RPRD1B: variants seen among roughly 807,000 people sequenced by gnomAD.
RPRD1B encodes the protein regulation of nuclear pre-mRNA domain-containing protein 1B.
Under a neutral mutation model 41.5 loss-of-function variants are expected in RPRD1B, and 11 were observed. The ratio of observed to expected loss-of-function variants is 0.27; its 90% confidence interval spans 0.17 to 0.44. The LOEUF (loss-of-function observed/expected upper bound fraction) is 0.44. Among genes scored for constraint, RPRD1B ranks in the 20% least tolerant of loss-of-function variants. The probability of loss-of-function intolerance (pLI) is 1.00; values close to 1 mark genes in which losing one functional copy is unlikely to be tolerated. For missense variants in RPRD1B, 248 were observed against 389.9 expected (o/e 0.64, Z 3.06); for synonymous variants, 158 against 155.6 (o/e 1.02, Z -0.12).
At chr20:38,074,174 C>G (rs1288879275) in intron 6 of RPRD1B, among the ~76,000 whole-genome samples, 1 of 152,150 alleles carries the variant, frequency 6.6e-6, no homozygotes, top group African/African-American at 2.4e-5. Flanking sequence ...CTTTTATTTT[C>G]TTTTTTTCCG....
intron 6 of RPRD1B, among the ~76,000 whole-genome samples, chr20:38,089,406 G>A (rs541989003): frequency 7.0e-4 from 106 of 152,246 alleles, no homozygotes; most frequent in Non-Finnish European, 1.0e-3. Flanking sequence ...ATTTTATAAA[G>A]CATTTTGAAA....
chr20:38,076,193 T>A (rs2074458129), intron 6 of RPRD1B, among the ~76,000 whole-genome samples: 3 of 152,222 alleles, frequency 2.0e-5, no homozygotes, highest in African/African-American at 7.2e-5. Flanking sequence ...TTTACCCCAA[T>A]TATGGTGCAG....
chr20:38,040,460 T>A lies in RPRD1B; in HGVS notation c.177T>A (p.Phe59Leu), dbSNP rs767163526. The A allele has an allele frequency of 6.3e-7, 1 of 1,597,802 alleles. No homozygotes were observed. Among genetic ancestry groups the A allele is most frequent in the South Asian group, 1.1e-5 (1 of 87,078 alleles). ...CCAAATCAAATAGAAAGCTTACTTTTCTGTATTTAGCGAATGATGTCATCC... is the reference window on the plus strand; with the variant it reads ...CCAAATCAAATAGAAAGCTTACTTTACTGTATTTAGCGAATGATGTCATCC... The part of the protein sequence containing the change: ...RKAKSNRKLT[F>L]LYLANDVIQN... The change falls in exon 2 of 7, where the codon TTT becomes TTA. Residue 59 changes from phenylalanine to leucine, a missense_variant. Around this residue, in one of 5 missense-constraint regions of RPRD1B, gnomAD observed 47 missense variants for 103.6 expected, o/e 0.45. Coordinates refer to ENST00000373433, the MANE Select transcript of RPRD1B (RefSeq NM_021215.4).
At chr20:38,035,081 T>A (rs960318567) in intron 1 of RPRD1B, among the ~76,000 whole-genome samples, 1 of 152,172 alleles carries the variant, frequency 6.6e-6, no homozygotes, top group African/African-American at 2.4e-5. Flanking sequence ...CTGAGACTCA[T>A]CTCGTGGTGA....
At chr20:38,049,806 G>C (rs951261669) in intron 3 of RPRD1B, 1 of 470,980 alleles carries the variant, frequency 2.1e-6, no homozygotes, top group Non-Finnish European at 4.4e-6. Context: ...CTGGAGGATC[G>C]AGTCCAAGTA....
intron 3 of RPRD1B, among the ~76,000 whole-genome samples, chr20:38,057,077 A>T (rs1600408112): frequency 6.6e-6 from 1 of 152,116 alleles, no homozygotes; most frequent in Admixed American, 6.6e-5. Context: ...TTTTTAGGGG[A>T]ATAGTGTAAA....
At chr20:38,069,600 G>A (rs2074391491) in intron 6 of RPRD1B, among the ~76,000 whole-genome samples, 1 of 152,200 alleles carries the variant, frequency 6.6e-6, no homozygotes, top group Admixed American at 6.5e-5. Flanking sequence ...TATTCATTCA[G>A]GGAGTCAGCA....
intron 5 of RPRD1B, among the ~76,000 whole-genome samples, chr20:38,060,268 TC>T (rs1458020144): frequency 6.6e-6 from 1 of 152,206 alleles, no homozygotes; most frequent in Admixed American, 6.5e-5. Context: ...CCTATGTTCC[TC>T]CCCTTACAAA....
At chr20:38,079,113 G>C (rs1159963626) in intron 6 of RPRD1B, among the ~76,000 whole-genome samples, 1 of 152,152 alleles carries the variant, frequency 6.6e-6, no homozygotes, top group East Asian at 1.9e-4. Flanking sequence ...AGTTTAGCAA[G>C]TGCCTGTTCT....
intron 6 of RPRD1B, chr20:38,070,712 C>T: frequency 1.0e-6 from 1 of 983,846 alleles, no homozygotes; most frequent in Non-Finnish European, 1.2e-6. Flanking sequence ...AGGTCAGGAA[C>T]CTGCAGTTTT....
At chr20:38,064,141 G>A (rs2074328637) in intron 5 of RPRD1B, among the ~76,000 whole-genome samples, 1 of 152,128 alleles carries the variant, frequency 6.6e-6, no homozygotes, top group African/African-American at 2.4e-5. Flanking sequence ...GGAGAAGTTG[G>A]CGGTCCTTTA....
intron 2 of RPRD1B, among the ~76,000 whole-genome samples, chr20:38,042,891 A>G (rs1209069495): frequency 6.6e-6 from 1 of 152,218 alleles, no homozygotes; most frequent in African/African-American, 2.4e-5. Context: ...AGTCAGAGAA[A>G]GCTGCCAAGT....
chr20:38,036,310 C>G (rs946044000), intron 1 of RPRD1B, among the ~76,000 whole-genome samples: 8 of 152,170 alleles, frequency 5.3e-5, no homozygotes, highest in African/African-American at 1.7e-4. Context: ...CCAGGGCTGC[C>G]TGATGCCAAA....
At chr20:38,066,337 A>G (rs1239024671) in intron 6 of RPRD1B, 81 bp downstream of exon 6, 1 of 1,253,690 alleles carries the variant, frequency 8.0e-7, no homozygotes, top group Admixed American at 2.2e-5. Context: ...TTATGCTTTA[A>G]TTAACAACAT....
intron 6 of RPRD1B, among the ~76,000 whole-genome samples, chr20:38,080,308 T>A (rs1031603929): frequency 6.6e-6 from 1 of 152,248 alleles, no homozygotes. Flanking sequence ...TTCCTAGGTT[T>A]TCTCCTAGGG....
intron 5 of RPRD1B, among the ~76,000 whole-genome samples, chr20:38,062,837 C>CG (rs1359920275): frequency 1.0e-5 from 1 of 98,240 alleles, no homozygotes; most frequent in Non-Finnish European, 1.9e-5. Flanking sequence ...AGCCCCCCCC[C>CG]CTTTTTTTTT....
rs573460686 is a variant in RPRD1B at position 38,076,906 on chromosome 20, C to CTTTTTTTTTTTTTTTT, written c.831+10665_831+10680dup. On this transcript the variant is annotated intron_variant, in intron 6 of 6. Transcript: ENST00000373433. ...CCTTTAGCCTTTTCTCATTCTGGAC[C>CTTTTTTTTTTTTTTTT]TTTTTTTTTTTTTTTTTTTTTTTTT... Among the ~76,000 whole-genome samples, 81 of 63,514 alleles carry CTTTTTTTTTTTTTTTT rather than the reference C, an allele frequency of 1.3e-3. 20 individuals carry two copies. The highest frequency in any genetic ancestry group is 1.5e-3 in the Non-Finnish European group (56 of 36,258). The allele number at this position is 63,514 out of a possible 152,430, so 41.7% of individuals were successfully genotyped here.
At chr20:38,073,398 T>A (rs1389712549) in intron 6 of RPRD1B, among the ~76,000 whole-genome samples, 2 of 152,176 alleles carry the variant, frequency 1.3e-5, no homozygotes, top group African/African-American at 4.8e-5. Context: ...CTGTAATGAC[T>A]ACTCAGGAGT....
intron 6 of RPRD1B, among the ~76,000 whole-genome samples, chr20:38,080,717 G>T (rs1182589484): frequency 6.6e-6 from 1 of 152,060 alleles, no homozygotes; most frequent in African/African-American, 2.4e-5. Context: ...TAGAGATAGG[G>T]TTTCCCCATG....
Sources: gnomAD v4.1 joint callset for allele counts (sites outside exome capture counted in the v4.1 genomes callset) on GRCh38, gnomAD v4.1.1 for gene constraint, gnomAD v4.1.1 regional missense constraint, MANE v1.5 for transcripts, NCBI Gene and HGNC (gene_info 2026-07-23, HGNC 2026-07-21) for gene names.